Variants in OTOGL observed in about 807,000 individuals in gnomAD.
OTOGL encodes otogelin-like protein.
A neutral mutation model predicts 318.5 loss-of-function variants in OTOGL; 285 were observed. The ratio of observed to expected loss-of-function variants is 0.89; its 90% CI spans 0.81 to 0.99. OTOGL has a LOEUF of 0.99. OTOGL is among the 50% of genes least tolerant of loss of function. The pLI is 0.00. For synonymous variants in OTOGL, 987 were observed against 936.5 expected (o/e 1.05, Z -0.99); for missense variants, 2,899 against 2,845.6 (o/e 1.02, Z -0.43).
chr12:80,257,490 A>G (rs1404382296), intron 17 of OTOGL, among the ~76,000 whole-genome samples: 1 of 152,114 alleles, frequency 6.6e-6, no homozygotes, highest in Admixed American at 6.6e-5. Context: ...AAAAACATTT[A>G]GGACAAAAGT....
chr12:80,197,962 AT>A (rs767872244), intron 1 of OTOGL, among the ~76,000 whole-genome samples: 163 of 148,792 alleles, frequency 1.1e-3, no homozygotes, highest in African/African-American at 3.0e-3. Context: ...CAAACTTTCT[AT>A]TTTTTTTTTA....
chr12:80,308,833 G>A lies in OTOGL; in HGVS notation c.3334-1778G>A, dbSNP rs904976327. Among the ~76,000 whole-genome samples the A allele has an allele frequency of 6.6e-5, 10 of 152,166 alleles. 1 individual carries two copies. The highest frequency in any genetic ancestry group is 1.9e-4 in the African/African-American group (8 of 41,448). On this transcript the variant is annotated intron_variant, in intron 29 of 58. Transcript: ENST00000547103. ...AATACAAAAACCAGTCAGGTGTGGC[G>A]GCGCGCGCCTGCAATCGCAGGCACT... is the stretch of plus-strand genomic sequence containing the variant.
Position 80,233,706 on chromosome 12 carries a change from T to C in OTOGL, c.817+609T>C, listed in dbSNP as rs77248035. On this transcript the variant is annotated intron_variant, in intron 9 of 58. Coordinates refer to ENST00000547103, the MANE Select transcript of OTOGL (RefSeq NM_001378609.3). ...CAATTCAGATACTAGTGTGCAATGG[T>C]GATAGAATAAGAGAATCACAAACCA... is the stretch of plus-strand genomic sequence containing the variant. Among the ~76,000 whole-genome samples the C allele has an allele frequency of 7.1e-3, 1,083 of 152,278 alleles. 18 individuals carry two copies. Among genetic ancestry groups the C allele is most frequent in the African/African-American group, 0.025 (1,034 of 41,562 alleles).
intron 1 of OTOGL, among the ~76,000 whole-genome samples, chr12:80,195,568 T>G (rs1875998483): frequency 6.6e-6 from 1 of 152,242 alleles, no homozygotes; most frequent in Non-Finnish European, 1.5e-5. Context: ...AATATTTGAC[T>G]TATTAATGAG....
chr12:80,295,157 C>A (rs1252814113), intron 26 of OTOGL, among the ~76,000 whole-genome samples: 1 of 98,940 alleles, frequency 1.0e-5, no homozygotes, highest in Non-Finnish European at 1.8e-5. Context: ...GATTGCCGAA[C>A]TTTTTTTTTT....
At position 80,377,950 on chromosome 12, in the gene OTOGL, G is replaced by A. The variant is rs1891261579; in HGVS notation, c.6964G>A (p.Val2322Ile). The A allele has an allele frequency of 6.2e-7, 1 of 1,609,198 alleles. No homozygotes were observed. The highest frequency in any genetic ancestry group is 1.7e-5 in the Admixed American group (1 of 59,350). ...CTGCAAGTGTTGTCGTGAAAATGGA[G>A]TACGAAACTTGTCTGTGCCTCTGTA... is the stretch of plus-strand genomic sequence containing the variant. ...RFCKCCRENGVRNLSVPLYCS... is the reference protein window; with the variant it reads ...RFCKCCRENGIRNLSVPLYCS... Residue 2322 changes from valine (V) to isoleucine (I), a missense_variant, in exon 59 of 59, where the codon GTA (valine) becomes ATA (isoleucine). By Grantham distance (29) the Val-to-Ile change is conservative. This residue lies in a region of OTOGL where 289 missense variants were observed against 304.6 expected (regional missense o/e 0.95). Transcript: ENST00000547103.
rs893501142 is a variant in OTOGL, at chr12:80,378,371, A to G, written c.*323A>G. On this transcript the variant is annotated 3_prime_UTR_variant, in exon 59 of 59. Coordinates refer to ENST00000547103, the MANE Select transcript of OTOGL (RefSeq NM_001378609.3). ...TATTTTGCAAAATTCCTTCAATTTC[A>G]CTCAGTAGCTCTTTTTTTCTTAATT... 4.8e-6 allele frequency: 1 copy of G among 206,740 alleles called. No individual in the cohort carries two copies. Among genetic ancestry groups the G allele is most frequent in the Non-Finnish European group, 9.9e-6 (1 of 101,504 alleles). The allele number at this position is 206,740 out of a possible 1,614,324, so 12.8% of individuals were successfully genotyped here. A position where few individuals can be genotyped will look rare whatever the true frequency, so the allele number is the denominator to read the frequency against.
chr12:80,233,928 G>GTAA (rs914082975), intron 9 of OTOGL, among the ~76,000 whole-genome samples: 2 of 149,370 alleles, frequency 1.3e-5, no homozygotes, highest in Non-Finnish European at 3.0e-5. Context: ...AGAGTAGTCA[G>GTAA]TAATAATAAT....
At chr12:80,213,338 T>G (rs535193417) in intron 4 of OTOGL, among the ~76,000 whole-genome samples, 55 of 152,352 alleles carry the variant, frequency 3.6e-4, no homozygotes, top group African/African-American at 1.1e-3. Flanking sequence ...CAGAGGTTAC[T>G]TTCATTGCCA....
chr12:80,302,922 G>A, intron 28 of OTOGL, 139 bp downstream of exon 28: 2 of 825,874 alleles, frequency 2.4e-6, no homozygotes, highest in Non-Finnish European at 3.3e-6. Flanking sequence ...ATACCCTTGT[G>A]AAAAAGAACT....
chr12:80,302,745 A>G lies in OTOGL; in HGVS notation c.3175A>G (p.Lys1059Glu). 23 of 1,542,276 alleles carry G rather than the reference A, an allele frequency of 1.5e-5. No individual in the cohort carries two copies. Among genetic ancestry groups the G allele is most frequent in the Non-Finnish European group, 2.0e-5 (23 of 1,149,410 alleles). ...EKDITILWDR[K>E]TTIHIKVGPQ... ...AGATATCACTATTCTTTGGGATAGG[A>G]AGACAACTATTCATATCAAAGTTGG... Residue 1059 changes from lysine to glutamate, a missense_variant, in exon 28 of 59, where the codon AAG (lysine) becomes GAG (glutamate). Around this residue, in one of 3 missense-constraint regions of OTOGL, gnomAD observed 2,607 missense variants for 2,524.9 expected, o/e 1.03. Transcript: ENST00000547103.
At chr12:80,163,868 G>T (rs958643155) in intron 1 of OTOGL, among the ~76,000 whole-genome samples, 2 of 152,148 alleles carry the variant, frequency 1.3e-5, no homozygotes, top group Non-Finnish European at 2.9e-5. Context: ...AAGTCAAAGG[G>T]CTGAGCCCAA....
intron 7 of OTOGL, among the ~76,000 whole-genome samples, chr12:80,225,415 C>T (rs1380624731): frequency 6.6e-6 from 1 of 152,004 alleles, no homozygotes; most frequent in African/African-American, 2.4e-5. Context: ...TTCTACTTGG[C>T]CTTGTTTTGA....
At chr12:80,136,407 A>G (rs1456653986) in intron 1 of OTOGL, among the ~76,000 whole-genome samples, 2 of 152,336 alleles carry the variant, frequency 1.3e-5, no homozygotes, top group East Asian at 3.9e-4. Flanking sequence ...CAATAGTAAA[A>G]TAGCCTCTTG....
At chr12:80,307,011 T>G (rs943696637) in intron 29 of OTOGL, among the ~76,000 whole-genome samples, 3 of 148,002 alleles carry the variant, frequency 2.0e-5, no homozygotes, top group African/African-American at 8.0e-5. Context: ...TGATGACTCT[T>G]AACGAGCATG....
intron 1 of OTOGL, among the ~76,000 whole-genome samples, chr12:80,142,380 TC>T (rs1872008172): frequency 1.3e-5 from 2 of 151,910 alleles, no homozygotes; most frequent in Non-Finnish European, 2.9e-5. Flanking sequence ...GAATCTGGAG[TC>T]CTTTGAAGAA....
chr12:80,139,125 G>T (rs1233948924), intron 1 of OTOGL, among the ~76,000 whole-genome samples: 1 of 152,152 alleles, frequency 6.6e-6, no homozygotes, highest in Non-Finnish European at 1.5e-5. Context: ...ATCCGTTTTG[G>T]TGGTGCAGAT....
chr12:80,143,215 A>G (rs1425913888), intron 1 of OTOGL, among the ~76,000 whole-genome samples: 2 of 152,132 alleles, frequency 1.3e-5, no homozygotes, highest in East Asian at 1.9e-4. Context: ...GCTACCCCAT[A>G]CCCCACTATA....
chr12:80,127,646 G>T (rs901294169), intron 1 of OTOGL, among the ~76,000 whole-genome samples: 7 of 152,276 alleles, frequency 4.6e-5, no homozygotes, highest in Admixed American at 1.3e-4. Context: ...TTCCAACTTG[G>T]TTCCATTCTC....
Sources: gnomAD v4.1 joint callset for allele counts (sites outside exome capture counted in the v4.1 genomes callset) on GRCh38, gnomAD v4.1.1 for gene constraint, gnomAD v4.1.1 regional missense constraint, MANE v1.5 for transcripts, NCBI Gene and HGNC (gene_info 2026-07-23, HGNC 2026-07-21) for gene names.